AGBL4: variants seen among roughly 807,000 people sequenced by gnomAD.
AGBL4 encodes cytosolic carboxypeptidase 6.
A neutral mutation model predicts 66.4 loss-of-function variants in AGBL4; 58 were observed. That is an observed-to-expected ratio of 0.87 (90% CI 0.71 to 1.09). The LOEUF is 1.09. AGBL4 is among the 50% of genes least tolerant of loss of function. The pLI, the probability that AGBL4 is intolerant of heterozygous loss-of-function variation, is 0.00. For missense variants in AGBL4, 579 were observed against 631.0 expected, an observed-to-expected ratio of 0.92 and a Z score of 0.88; for synonymous variants, 234 against 222.9, an observed-to-expected ratio of 1.05 and a Z score of -0.44.
intron 3 of AGBL4, among the ~76,000 whole-genome samples, chr1:49,258,443 A>G (rs914935877): frequency 6.6e-6 from 1 of 152,284 alleles, no homozygotes; most frequent in East Asian, 1.9e-4. Flanking sequence ...AGAATAACCA[A>G]TATAGAGAAG....
chr1:49,399,076 T>C (rs976637557), intron 3 of AGBL4, among the ~76,000 whole-genome samples: 2 of 152,172 alleles, frequency 1.3e-5, no homozygotes, highest in African/African-American at 4.8e-5. Flanking sequence ...TAGCTCCTAC[T>C]AATAAGTGAA....
intron 2 of AGBL4, among the ~76,000 whole-genome samples, chr1:49,821,007 G>A (rs1028080536): frequency 6.6e-6 from 1 of 152,130 alleles, no homozygotes; most frequent in Admixed American, 6.6e-5. Context: ...ATCATAAAAT[G>A]CTTACAAATA....
chr1:48,690,737 C>A (rs1223003078), intron 6 of AGBL4, among the ~76,000 whole-genome samples: 1 of 152,122 alleles, frequency 6.6e-6, no homozygotes, highest in African/African-American at 2.4e-5. Context: ...GGAGAGTAAG[C>A]AAAGGGCTTA....
chr1:49,500,594 C>T lies in AGBL4; in HGVS notation c.282+196719G>A, dbSNP rs374466905. Among the ~76,000 whole-genome samples, 7 of 152,022 alleles carry T rather than the reference C, an allele frequency of 4.6e-5. No homozygotes were observed. The East Asian group carries it at 1.2e-3, about 25-fold the overall frequency. On this transcript the variant is annotated intron_variant, in intron 3 of 13. Transcript: ENST00000371839. ...GAGGATCAACTTTTATTCTTCTACACGTGTCTTGACAATTATCCTAGAACC... is the reference window on the plus strand; with the variant it reads ...GAGGATCAACTTTTATTCTTCTACATGTGTCTTGACAATTATCCTAGAACC...
At chr1:49,958,866 A>C (rs927672992) in intron 1 of AGBL4, among the ~76,000 whole-genome samples, 1 of 151,814 alleles carries the variant, frequency 6.6e-6, no homozygotes, top group African/African-American at 2.4e-5. Context: ...AAATTTAAAA[A>C]AAGAAAATTA....
intron 5 of AGBL4, among the ~76,000 whole-genome samples, chr1:48,971,140 G>A (rs894313052): frequency 2.6e-5 from 4 of 152,146 alleles, no homozygotes; most frequent in Admixed American, 1.3e-4. Flanking sequence ...GTACTGGGCT[G>A]TGGCCTGTAA....
intron 3 of AGBL4, among the ~76,000 whole-genome samples, chr1:49,350,209 G>GA (rs1482561567): frequency 8.8e-5 from 12 of 136,240 alleles, no homozygotes; most frequent in Non-Finnish European, 1.1e-4. Context: ...GTTTTGTTTT[G>GA]TTTTTTTTTT....
rs149730652 is a variant in AGBL4, at chr1:48,599,008, T to C, written c.952-8023A>G. On this transcript the variant is annotated intron_variant, in intron 9 of 13. Transcript: ENST00000371839. ...TATGGGTTTTTTTAATTTTTAAACA[T>C]TTTTTGTTGAAAACTAAGGCACAAA... is the stretch of plus-strand genomic sequence containing the variant. Among the ~76,000 whole-genome samples, 182 of 152,266 alleles carry C rather than the reference T, an allele frequency of 1.2e-3. 3 individuals carry two copies. Among genetic ancestry groups the C allele is most frequent in the East Asian group, 1.9e-4 (1 of 5,180 alleles).
At chr1:48,962,685 G>T (rs1658101344) in intron 5 of AGBL4, among the ~76,000 whole-genome samples, 1 of 152,186 alleles carries the variant, frequency 6.6e-6, no homozygotes, top group Admixed American at 6.5e-5. Context: ...GCATAGGCCT[G>T]CACTTGGCAG....
At chr1:49,556,640 G>A (rs1643904888) in intron 3 of AGBL4, among the ~76,000 whole-genome samples, 2 of 152,028 alleles carry the variant, frequency 1.3e-5, no homozygotes, top group Non-Finnish European at 2.9e-5. Flanking sequence ...AGCCCAGCTG[G>A]CTTCGCCTAG....
intron 2 of AGBL4, among the ~76,000 whole-genome samples, chr1:49,710,032 C>A (rs1165242988): frequency 1.3e-5 from 2 of 152,090 alleles, no homozygotes; most frequent in African/African-American, 4.8e-5. Context: ...GACAGTGTGG[C>A]AATTCCTCAA....
chr1:48,658,150 G>A (rs1251246352), intron 7 of AGBL4, among the ~76,000 whole-genome samples: 2 of 152,210 alleles, frequency 1.3e-5, no homozygotes, highest in African/African-American at 4.8e-5. Flanking sequence ...ATCGCTTGCT[G>A]AGTGCCTCAC....
At chr1:49,438,177 TCTAA>T (rs1291297622) in intron 3 of AGBL4, among the ~76,000 whole-genome samples, 2 of 152,198 alleles carry the variant, frequency 1.3e-5, no homozygotes, top group Non-Finnish European at 2.9e-5. Context: ...TAAAGCCATG[TCTAA>T]CTAACTTTCC....
intron 8 of AGBL4, among the ~76,000 whole-genome samples, chr1:48,638,513 G>A (rs1645704008): frequency 6.6e-6 from 1 of 152,216 alleles, no homozygotes; most frequent in Non-Finnish European, 1.5e-5. Flanking sequence ...TATAGCCAGT[G>A]ATGGCAGTGA....
intron 11 of AGBL4, among the ~76,000 whole-genome samples, chr1:48,579,142 A>G (rs1258750009): frequency 6.6e-6 from 1 of 152,210 alleles, no homozygotes; most frequent in Non-Finnish European, 1.5e-5. Context: ...CAGAGCTCAA[A>G]ATATCCCCCT....
At chr1:49,643,327 A>G (rs115009963) in intron 3 of AGBL4, among the ~76,000 whole-genome samples, 179 of 151,972 alleles carry the variant, frequency 1.2e-3, no homozygotes, top group African/African-American at 4.2e-3. Flanking sequence ...AAAGGAACAG[A>G]GTATCAATGA....
chr1:49,614,927 G>A (rs746866920), intron 3 of AGBL4, among the ~76,000 whole-genome samples: 6 of 152,156 alleles, frequency 3.9e-5, no homozygotes, highest in Middle Eastern at 3.4e-3. Flanking sequence ...GTAAGGTCTG[G>A]CACAAAACAG....
At chr1:49,524,783 T>C (rs967015257) in intron 3 of AGBL4, among the ~76,000 whole-genome samples, 2 of 152,074 alleles carry the variant, frequency 1.3e-5, no homozygotes, top group Non-Finnish European at 2.9e-5. Flanking sequence ...TACTCATGCC[T>C]TTATTATGAT....
At chr1:49,979,972 C>T (rs1404225174) in intron 1 of AGBL4, among the ~76,000 whole-genome samples, 1 of 152,030 alleles carries the variant, frequency 6.6e-6, no homozygotes, top group Admixed American at 6.5e-5. Flanking sequence ...TTGATAAATA[C>T]AGTATAGTAT....
Sources: allele counts gnomAD v4.1 joint callset (sites outside exome capture counted in the v4.1 genomes callset), GRCh38; gene constraint gnomAD v4.1.1; transcripts MANE v1.5; gene names NCBI Gene and HGNC (gene_info 2026-07-23, HGNC 2026-07-21).